The following SLC7A2 variants were observed in gnomAD, a reference collection of about 807,000 sequenced individuals.
SLC7A2 encodes the protein cationic amino acid transporter 2.
In SLC7A2, 48 loss-of-function variants were observed where a neutral mutation model predicts 58.9. The ratio of observed to expected loss-of-function variants is 0.82; its 90% CI spans 0.65 to 1.04. The LOEUF (loss-of-function observed/expected upper bound fraction) is 1.04, where lower values mean the gene tolerates loss of function less well. Among genes scored for constraint, SLC7A2 ranks in the 50% least tolerant of loss-of-function variants. SLC7A2 has a pLI of 0.00. For synonymous variants in SLC7A2, 363 were observed against 314.5 expected, an observed-to-expected ratio of 1.15 and a Z score of -1.63; for missense variants, 1,029 against 818.8, an observed-to-expected ratio of 1.26 and a Z score of -3.13.
rs184532492 is a variant in SLC7A2, at chr8:17,556,312, A to T, written c.1195+1613A>T. Among the ~76,000 whole-genome samples the T allele has an allele frequency of 2.0e-5, 3 of 151,912 alleles. No individual in the cohort carries two copies. The East Asian group carries it at 5.8e-4, about 29-fold the overall frequency. ...TCTTTCCGGTAAAATACTTGCCAGT[A>T]ATGATGCAGAATTTTTAAAAGCTTA... On this transcript the variant is annotated intron_variant, in intron 8 of 12. Transcript: ENST00000494857.
chr8:17,523,041 T>TA (rs1801079536), intron 2 of SLC7A2, among the ~76,000 whole-genome samples: 1 of 151,576 alleles, frequency 6.6e-6, no homozygotes, highest in South Asian at 2.1e-4. Flanking sequence ...TATCAAAAAA[T>TA]AAAAATATAA....
intron 2 of SLC7A2, among the ~76,000 whole-genome samples, 175 bp downstream of exon 2, chr8:17,502,477 A>G (rs1165379384): frequency 6.6e-6 from 1 of 152,196 alleles, no homozygotes; most frequent in Non-Finnish European, 1.5e-5. Context: ...TAGAAGAAAA[A>G]AATATTTTAA....
chr8:17,531,612 G>C (rs1403725883), intron 2 of SLC7A2, among the ~76,000 whole-genome samples: 25 of 151,842 alleles, frequency 1.6e-4, no homozygotes, highest in Admixed American at 1.6e-3. Flanking sequence ...GAGATGGTTT[G>C]AATTTTAAAT....
At chr8:17,526,592 T>G (rs1400925335) in intron 2 of SLC7A2, among the ~76,000 whole-genome samples, 1 of 152,142 alleles carries the variant, frequency 6.6e-6, no homozygotes, top group African/African-American at 2.4e-5. Context: ...GAGATCATCT[T>G]GGAGGTGCCC....
chr8:17,497,898 G>A (rs1033757665), intron 1 of SLC7A2, among the ~76,000 whole-genome samples: 1 of 152,166 alleles, frequency 6.6e-6, no homozygotes, highest in Non-Finnish European at 1.5e-5. Context: ...TTGAGGCTTA[G>A]AGAATCTCCC....
intron 2 of SLC7A2, among the ~76,000 whole-genome samples, chr8:17,503,054 T>C (rs2150644331): frequency 6.6e-6 from 1 of 152,198 alleles, no homozygotes; most frequent in Non-Finnish European, 1.5e-5. Context: ...CTATTTATTT[T>C]ATTTTATTTT....
chr8:17,545,158 G>A (rs1187399104), intron 4 of SLC7A2, among the ~76,000 whole-genome samples: 1 of 152,082 alleles, frequency 6.6e-6, no homozygotes, highest in African/African-American at 2.4e-5. Flanking sequence ...AGTGGTTTTA[G>A]GAGGCACAGG....
At chr8:17,550,913 T>C (rs553962792) in intron 6 of SLC7A2, among the ~76,000 whole-genome samples, 1 of 152,306 alleles carries the variant, frequency 6.6e-6, no homozygotes, top group African/African-American at 2.4e-5. Flanking sequence ...GCCTCCTCTA[T>C]TTTTACGTCA....
chr8:17,560,363 G>A lies in SLC7A2; in HGVS notation c.1334G>A (p.Cys445Tyr), dbSNP rs1802909226. 2.5e-6 allele frequency: 4 copies of A among 1,614,134 alleles called. No homozygotes were observed. Among genetic ancestry groups the A allele is most frequent in the African/African-American group, 1.3e-5 (1 of 75,032 alleles). The change falls in exon 10 of 13, where the codon TGT becomes TAT. Residue 445 changes from cysteine to tyrosine, a missense_variant. Transcript: ENST00000494857. The stretch of plus-strand genomic sequence containing the variant: ...GGCTTATCTTACGACCAGCCCAAAT[G>A]TTCTCCTGAGAAAGATGGTCTGGGA... Reference protein sequence around the residue: ...QPGLSYDQPKCSPEKDGLGSS... With the variant: ...QPGLSYDQPKYSPEKDGLGSS...
intron 2 of SLC7A2, 112 bp from the exon 3 acceptor site, chr8:17,543,206 A>G (rs1585238407): frequency 4.1e-6 from 4 of 970,548 alleles, no homozygotes; most frequent in East Asian, 4.9e-5. Context: ...ACACACACAC[A>G]CACACACACA....
In SLC7A2 at chr8:17,565,380, G is replaced by T; in HGVS notation, c.*234G>T. ...GTGATGAATAGCCCCCAAACAGTGG[G>T]AGTGTGTATGTATGTGTGTATGTAT... is the stretch of plus-strand genomic sequence containing the variant. On this transcript the variant is annotated 3_prime_UTR_variant, in exon 13 of 13. Transcript: ENST00000494857. 1.9e-6 allele frequency: 1 copy of T among 514,622 alleles called. No homozygotes were observed. 31.9% of individuals were successfully genotyped at this position (514,622 alleles called of 1,614,324 possible). A position where few individuals can be genotyped will look rare whatever the true frequency, so the allele number is the denominator to read the frequency against.
At chr8:17,508,882 A>C (rs892476652) in intron 2 of SLC7A2, among the ~76,000 whole-genome samples, 1 of 152,120 alleles carries the variant, frequency 6.6e-6, no homozygotes, top group African/African-American at 2.4e-5. Flanking sequence ...TATTTCTCTC[A>C]GTTTTTGAAG....
chr8:17,528,474 T>C (rs1356006410), intron 2 of SLC7A2, among the ~76,000 whole-genome samples: 1 of 152,004 alleles, frequency 6.6e-6, no homozygotes, highest in Non-Finnish European at 1.5e-5. Context: ...AGCCTCTACC[T>C]CCTGGACTCA....
At chr8:17,517,139 C>T (rs918036140) in intron 2 of SLC7A2, among the ~76,000 whole-genome samples, 8 of 152,188 alleles carry the variant, frequency 5.3e-5, no homozygotes, top group African/African-American at 1.9e-4. Context: ...AACACACATT[C>T]CTTGCATGGA....
At chr8:17,521,347 G>A (rs1349299012) in intron 2 of SLC7A2, among the ~76,000 whole-genome samples, 2 of 152,188 alleles carry the variant, frequency 1.3e-5, no homozygotes, top group Non-Finnish European at 2.9e-5. Context: ...GGAATTGGTG[G>A]CAAGAGGACA....
intron 1 of SLC7A2, chr8:17,500,120 G>T (rs1800094636): frequency 6.6e-6 from 1 of 152,114 alleles, no homozygotes; most frequent in Non-Finnish European, 1.5e-5. Context: ...TTACATTTGG[G>T]GAACTCCATT....
intron 2 of SLC7A2, among the ~76,000 whole-genome samples, chr8:17,519,889 C>A (rs1036083387): frequency 1.3e-5 from 2 of 152,160 alleles, no homozygotes; most frequent in South Asian, 4.2e-4. Flanking sequence ...GGAGAGCACC[C>A]TGCTTCTTCT....
At chr8:17,498,400 G>C (rs1000718698) in intron 1 of SLC7A2, among the ~76,000 whole-genome samples, 1 of 152,208 alleles carries the variant, frequency 6.6e-6, no homozygotes, top group Non-Finnish European at 1.5e-5. Context: ...TTCTGTGTTT[G>C]TAATCTTTCT....
intron 2 of SLC7A2, among the ~76,000 whole-genome samples, chr8:17,508,141 A>G (rs1266331105): frequency 6.6e-6 from 1 of 151,944 alleles, no homozygotes; most frequent in Admixed American, 6.6e-5. Context: ...TGATTATCAT[A>G]GATAACAGAT....
Sources: allele counts gnomAD v4.1 joint callset (sites outside exome capture counted in the v4.1 genomes callset), GRCh38; gene constraint gnomAD v4.1.1; transcripts MANE v1.5; gene names NCBI Gene and HGNC (gene_info 2026-07-23, HGNC 2026-07-21).